Variants in MTUS2 observed in about 807,000 individuals in gnomAD.
MTUS2 encodes microtubule associated scaffold protein 2.
Under a neutral mutation model 114.1 loss-of-function variants are expected in MTUS2, and 40 were observed. The ratio of observed to expected loss-of-function variants is 0.35; its 90% confidence interval spans 0.27 to 0.46. The LOEUF (loss-of-function observed/expected upper bound fraction) is 0.46, where lower values mean the gene tolerates loss of function less well. Among genes scored for constraint, MTUS2 ranks in the 20% least tolerant of loss-of-function variants. The pLI is 1.00. For synonymous variants in MTUS2, 688 were observed against 672.0 expected (o/e 1.02, Z -0.37); for missense variants, 1,679 against 1,705.4 (o/e 0.98, Z 0.27).
intron 5 of MTUS2, among the ~76,000 whole-genome samples, chr13:29,228,080 C>G (rs1593193152): frequency 6.6e-6 from 1 of 152,228 alleles, no homozygotes; most frequent in South Asian, 2.1e-4. Context: ...GAATCTGTCT[C>G]ACAGAAATAA....
At chr13:29,325,558 G>A (rs1228577219) in intron 7 of MTUS2, among the ~76,000 whole-genome samples, 4 of 144,790 alleles carry the variant, frequency 2.8e-5, no homozygotes, top group East Asian at 2.0e-4. Context: ...AGGAAGAAGA[G>A]GAAGAAGAAG....
At chr13:29,305,937 C>T (rs1476473667) in intron 6 of MTUS2, among the ~76,000 whole-genome samples, 1 of 152,174 alleles carries the variant, frequency 6.6e-6, no homozygotes. Flanking sequence ...AGCTTATCCA[C>T]CATGATCAAG....
At chr13:29,456,223 T>G (rs1390194797) in intron 9 of MTUS2, among the ~76,000 whole-genome samples, 1 of 152,108 alleles carries the variant, frequency 6.6e-6, no homozygotes, top group African/African-American at 2.4e-5. Context: ...AATAAATCAT[T>G]CACCGATGGG....
chr13:29,420,982 A>T (rs1876055245), intron 8 of MTUS2, among the ~76,000 whole-genome samples: 1 of 152,142 alleles, frequency 6.6e-6, no homozygotes, highest in Non-Finnish European at 1.5e-5. Flanking sequence ...GAGAAGTGAA[A>T]TTTTTTTAGT....
chr13:29,495,533 A>G (rs1488061002), intron 12 of MTUS2, among the ~76,000 whole-genome samples: 1 of 151,938 alleles, frequency 6.6e-6, no homozygotes, highest in East Asian at 1.9e-4. Flanking sequence ...TCACAATATC[A>G]CTTCCTATTA....
chr13:29,090,734 C>T (rs1417854002), intron 4 of MTUS2, among the ~76,000 whole-genome samples: 1 of 152,234 alleles, frequency 6.6e-6, no homozygotes, highest in Non-Finnish European at 1.5e-5. Flanking sequence ...CAGGAGAGCC[C>T]TGCTCTCTTT....
At chr13:29,399,622 AC>A (rs1394748124) in intron 8 of MTUS2, among the ~76,000 whole-genome samples, 2 of 152,214 alleles carry the variant, frequency 1.3e-5, no homozygotes, top group African/African-American at 2.4e-5. Context: ...CCAAAGTGTA[AC>A]CCAGAAAGAC....
At chr13:29,044,188 T>G (rs925346971) in intron 4 of MTUS2, among the ~76,000 whole-genome samples, 2 of 151,430 alleles carry the variant, frequency 1.3e-5, no homozygotes, top group African/African-American at 4.9e-5. Flanking sequence ...CACCTATACT[T>G]TTGATAAATA....
chr13:29,372,237 G>T (rs1447519442), intron 8 of MTUS2, among the ~76,000 whole-genome samples: 1 of 151,726 alleles, frequency 6.6e-6, no homozygotes, highest in Non-Finnish European at 1.5e-5. Context: ...TGACAAAGAC[G>T]TGAAATTGAT....
chr13:28,897,116 A>G, intron 2 of MTUS2, among the ~76,000 whole-genome samples: 1 of 152,230 alleles, frequency 6.6e-6, no homozygotes, highest in Admixed American at 6.5e-5. Flanking sequence ...TGAACAGGCA[A>G]CCTGCAGAAT....
chr13:29,463,111 A>G (rs1306622972), intron 9 of MTUS2, among the ~76,000 whole-genome samples: 1 of 152,170 alleles, frequency 6.6e-6, no homozygotes, highest in Non-Finnish European at 1.5e-5. Context: ...GCTAATTTGC[A>G]GATTCTGCAC....
At chr13:29,493,841 TTTGTC>T (rs1490482680) in intron 12 of MTUS2, among the ~76,000 whole-genome samples, 1 of 152,158 alleles carries the variant, frequency 6.6e-6, no homozygotes, top group African/African-American at 2.4e-5. Flanking sequence ...AAATGAGAGT[TTTGTC>T]TTGTCTGGGA....
At chr13:29,206,228 T>G (rs1302623019) in intron 5 of MTUS2, among the ~76,000 whole-genome samples, 1 of 152,214 alleles carries the variant, frequency 6.6e-6, no homozygotes, top group Non-Finnish European at 1.5e-5. Flanking sequence ...AATTGTCTAT[T>G]CATGTCTTTA....
chr13:29,045,829 G>T (rs1475442714), intron 4 of MTUS2, among the ~76,000 whole-genome samples: 1 of 152,146 alleles, frequency 6.6e-6, no homozygotes, highest in African/African-American at 2.4e-5. Context: ...CTCATTTAAG[G>T]AGGATTTCTC....
intron 2 of MTUS2, among the ~76,000 whole-genome samples, chr13:28,939,375 CTG>C (rs745472589): frequency 6.6e-6 from 1 of 152,050 alleles, no homozygotes; most frequent in East Asian, 1.9e-4. Flanking sequence ...ATACTCAAGA[CTG>C]TTTGTTTATA....
At chr13:29,247,190 G>T (rs1180163948) in intron 5 of MTUS2, among the ~76,000 whole-genome samples, 1 of 152,176 alleles carries the variant, frequency 6.6e-6, no homozygotes, top group Non-Finnish European at 1.5e-5. Context: ...AACAAATGAG[G>T]CTGGGATAAT....
At chr13:29,383,855 A>C (rs986356625) in intron 8 of MTUS2, among the ~76,000 whole-genome samples, 3 of 152,240 alleles carry the variant, frequency 2.0e-5, no homozygotes, top group Admixed American at 6.5e-5. Context: ...ATAACCATCC[A>C]CAGGCCACTT....
chr13:29,440,249 A>G (rs1316074818), intron 9 of MTUS2, among the ~76,000 whole-genome samples, 200 bp downstream of exon 9: 1 of 152,184 alleles, frequency 6.6e-6, no homozygotes, highest in Non-Finnish European at 1.5e-5. Context: ...TGTTATAAAG[A>G]CAGCTTCCTA....
intron 5 of MTUS2, among the ~76,000 whole-genome samples, chr13:29,258,517 G>T (rs562801350): frequency 1.3e-5 from 2 of 152,176 alleles, no homozygotes; most frequent in Non-Finnish European, 2.9e-5. Context: ...ATTCTGCAGG[G>T]TGTGTCCACC....
Sources: allele counts gnomAD v4.1 joint callset (sites outside exome capture counted in the v4.1 genomes callset), GRCh38; gene constraint gnomAD v4.1.1; transcripts MANE v1.5; gene names NCBI Gene and HGNC (gene_info 2026-07-23, HGNC 2026-07-21).